Variants in SDK1 observed in about 807,000 individuals in gnomAD.
SDK1 encodes protein sidekick-1.
Under a neutral mutation model 245.5 loss-of-function variants are expected in SDK1, and 157 were observed. That is an observed-to-expected ratio of 0.64 (90% CI 0.56 to 0.73). SDK1 has a LOEUF of 0.73. Among genes scored for constraint, SDK1 ranks in the 30% least tolerant of loss-of-function variants. The pLI is 0.00. For missense variants in SDK1, 3,583 were observed against 3,002.3 expected, an observed-to-expected ratio of 1.19 and a Z score of -4.52; for synonymous variants, 1,647 against 1,278.5, an observed-to-expected ratio of 1.29 and a Z score of -6.15.
At chr7:3,895,213 C>G (rs1228233752) in intron 5 of SDK1, among the ~76,000 whole-genome samples, 1 of 152,188 alleles carries the variant, frequency 6.6e-6, no homozygotes, top group Non-Finnish European at 1.5e-5. Context: ...CTCATCATCA[C>G]TGTAATAAAT....
At chr7:3,990,659 C>T (rs1473018630) in intron 14 of SDK1, among the ~76,000 whole-genome samples, 1 of 152,210 alleles carries the variant, frequency 6.6e-6, no homozygotes, top group African/African-American at 2.4e-5. Context: ...GGCTTCAGGA[C>T]TGTGTCTCCT....
At chr7:3,328,426 T>A (rs1023887353) in intron 1 of SDK1, among the ~76,000 whole-genome samples, 1 of 152,094 alleles carries the variant, frequency 6.6e-6, no homozygotes, top group Non-Finnish European at 1.5e-5. Flanking sequence ...AACATTCTAG[T>A]TCAGATGATC....
intron 40 of SDK1, among the ~76,000 whole-genome samples, chr7:4,228,470 T>C (rs1053490843): frequency 1.3e-5 from 2 of 152,202 alleles, no homozygotes; most frequent in Admixed American, 6.5e-5. Context: ...CATCAGTCAT[T>C]TTGGGGGATC....
rs556507633 is a variant in SDK1, at chr7:4,123,914, G to A, written c.3824-3467G>A. Among the ~76,000 whole-genome samples, 6 of 152,344 alleles carry A rather than the reference G, an allele frequency of 3.9e-5. No individual in the cohort carries two copies. The South Asian group carries it at 6.2e-4, about 16-fold the overall frequency. On this transcript the variant is annotated intron_variant, in intron 25 of 44. Coordinates refer to ENST00000404826, the MANE Select transcript of SDK1 (RefSeq NM_152744.4). ...CTCCCAGGGCTCTCAGGATCAGGGA[G>A]CGTGCCCCTTCCTGGGGGCAGGCAT... is the stretch of plus-strand genomic sequence containing the variant.
intron 35 of SDK1, among the ~76,000 whole-genome samples, chr7:4,180,424 C>G (rs796381812): frequency 7.9e-6 from 1 of 126,864 alleles, no homozygotes; most frequent in Non-Finnish European, 1.8e-5. Flanking sequence ...CTATGCCCAG[C>G]GCCCAGCTCC....
intron 1 of SDK1, among the ~76,000 whole-genome samples, chr7:3,481,900 T>C (rs942071086): frequency 2.6e-5 from 4 of 152,192 alleles, no homozygotes; most frequent in Non-Finnish European, 4.4e-5. Flanking sequence ...CTCTGACTGA[T>C]ACAGTGAGAA....
Position 4,011,017 on chromosome 7 carries a change from T to G in SDK1, c.2183T>G (p.Val728Gly), listed in dbSNP as rs759986861. 1 of 1,614,200 alleles carries G rather than the reference T, an allele frequency of 6.2e-7. No homozygotes were observed. The highest frequency in any genetic ancestry group is 8.5e-7 in the Non-Finnish European group (1 of 1,180,032). The change falls in exon 15 of 45, where the codon GTC becomes GGC. Residue 728 changes from valine to glycine, a missense_variant. Coordinates refer to ENST00000404826, the MANE Select transcript of SDK1 (RefSeq NM_152744.4). The stretch of plus-strand genomic sequence containing the variant: ...AACGTTGGCCCTGAGATGACAGGCG[T>G]CACCGTGAGTGGCCTGACTCCGGCT... ...LSNVGPEMTG[V>G]TVSGLTPART...
At position 3,946,762 on chromosome 7, in the gene SDK1, C is replaced by T. The variant is rs568115939; in HGVS notation, c.848-4161C>T. On this transcript the variant is annotated intron_variant, in intron 5 of 44. Transcript: ENST00000404826. ...CGGCAGGTGTTACCCAAGAATGCAGCGGAGGAGAGTCTCAGAGTGACGAGT... is the reference window on the plus strand; with the variant it reads ...CGGCAGGTGTTACCCAAGAATGCAGTGGAGGAGAGTCTCAGAGTGACGAGT... Among the ~76,000 whole-genome samples the T allele has an allele frequency of 3.3e-5, 5 of 152,128 alleles. No individual in the cohort carries two copies. The East Asian group carries it at 7.7e-4, about 24-fold the overall frequency.
chr7:4,024,220 T>G (rs1583860880), intron 17 of SDK1, among the ~76,000 whole-genome samples: 3 of 152,358 alleles, frequency 2.0e-5, no homozygotes, highest in South Asian at 4.1e-4. Flanking sequence ...TTCTAAAACA[T>G]TAGTAAAAGC....
At chr7:4,081,773 GA>G (rs1316216425) in intron 22 of SDK1, among the ~76,000 whole-genome samples, 3 of 152,140 alleles carry the variant, frequency 2.0e-5, no homozygotes, top group Non-Finnish European at 4.4e-5. Flanking sequence ...GCAAAAGGAA[GA>G]ATAGAGTAAG....
intron 44 of SDK1, among the ~76,000 whole-genome samples, chr7:4,262,523 C>G (rs936680992): frequency 1.3e-5 from 2 of 151,786 alleles, no homozygotes; most frequent in African/African-American, 4.8e-5. Flanking sequence ...CCTCAGGCCA[C>G]TTTTCCGTGT....
At chr7:3,515,036 T>C (rs1392835532) in intron 1 of SDK1, among the ~76,000 whole-genome samples, 3 of 152,174 alleles carry the variant, frequency 2.0e-5, no homozygotes, top group African/African-American at 7.2e-5. Context: ...AGGGTGCCTT[T>C]GGCACTAGAG....
At chr7:3,318,975 C>T (rs1416935637) in intron 1 of SDK1, among the ~76,000 whole-genome samples, 1 of 151,586 alleles carries the variant, frequency 6.6e-6, no homozygotes, top group Non-Finnish European at 1.5e-5. Context: ...TGAAATGCCA[C>T]AGAAGCAGTT....
At chr7:3,967,870 T>C (rs1229556498) in intron 10 of SDK1, among the ~76,000 whole-genome samples, 1 of 152,206 alleles carries the variant, frequency 6.6e-6, no homozygotes, top group East Asian at 1.9e-4. Flanking sequence ...AGCCCAGGGC[T>C]TGGGGACCCC....
intron 1 of SDK1, among the ~76,000 whole-genome samples, chr7:3,312,774 C>T (rs2128544101): frequency 6.6e-6 from 1 of 152,212 alleles, no homozygotes; most frequent in South Asian, 2.1e-4. Context: ...ATATTACCTT[C>T]TGTGAGCTTC....
intron 5 of SDK1, among the ~76,000 whole-genome samples, chr7:3,917,006 C>G (rs147274071): frequency 2.6e-3 from 394 of 152,324 alleles, no homozygotes; most frequent in African/African-American, 8.9e-3. Context: ...GGCCCAAAAG[C>G]TCACAGACTG....
intron 1 of SDK1, among the ~76,000 whole-genome samples, chr7:3,455,272 C>T (rs952585016): frequency 6.6e-6 from 1 of 151,740 alleles, no homozygotes; most frequent in Non-Finnish European, 1.5e-5. Flanking sequence ...TTTCACAAAG[C>T]AAAATTTTAA....
At chr7:4,175,648 G>C in intron 33 of SDK1, 127 bp from the exon 34 acceptor site, 1 of 798,274 alleles carries the variant, frequency 1.3e-6, no homozygotes, top group Non-Finnish European at 2.2e-6. Context: ...ATTGCCCCGG[G>C]AGGCGCAGCG....
At chr7:3,915,429 TTCCC>T (rs1779338146) in intron 5 of SDK1, among the ~76,000 whole-genome samples, 1 of 152,220 alleles carries the variant, frequency 6.6e-6, no homozygotes, top group Non-Finnish European at 1.5e-5. Context: ...GGGTGGGTTT[TTCCC>T]ATGCTGTTCT....
Sources: gnomAD v4.1 joint callset for allele counts (sites outside exome capture counted in the v4.1 genomes callset) on GRCh38, gnomAD v4.1.1 for gene constraint, MANE v1.5 for transcripts, NCBI Gene and HGNC (gene_info 2026-07-23, HGNC 2026-07-21) for gene names.